ZNF407: variants seen among roughly 807,000 people sequenced by gnomAD.
ZNF407 encodes zinc finger protein 407.
Under a neutral mutation model 131.2 loss-of-function variants are expected in ZNF407, and 17 were observed. That is an observed-to-expected ratio of 0.13 (90% CI 0.09 to 0.19). The LOEUF (loss-of-function observed/expected upper bound fraction) is 0.19, where lower values mean the gene tolerates loss of function less well. Ranked by LOEUF, ZNF407 falls within the 10% of genes least tolerant of loss-of-function variation. The pLI is 1.00. For synonymous variants in ZNF407, 1,156 were observed against 1,062.0 expected (o/e 1.09, Z -1.72); for missense variants, 2,681 against 2,830.6 (o/e 0.95, Z 1.20).
intron 1 of ZNF407, among the ~76,000 whole-genome samples, chr18:74,619,644 T>C (rs1983438652): frequency 1.3e-5 from 2 of 152,342 alleles, no homozygotes; most frequent in African/African-American, 4.8e-5. Context: ...CCTTTTTTAG[T>C]GAATAGACCG....
At chr18:74,907,920 T>G (rs775698407) in intron 7 of ZNF407, among the ~76,000 whole-genome samples, 6 of 152,228 alleles carry the variant, frequency 3.9e-5, no homozygotes, top group Admixed American at 3.3e-4. Context: ...TTATTAAATT[T>G]TGCCAATCTG....
chr18:74,962,627 G>A (rs903781472), intron 8 of ZNF407, among the ~76,000 whole-genome samples: 12 of 152,228 alleles, frequency 7.9e-5, no homozygotes, highest in African/African-American at 2.9e-4. Context: ...GCCATGCCCA[G>A]TCCTCCATGT....
chr18:74,697,356 T>C (rs1305668358), intron 3 of ZNF407, among the ~76,000 whole-genome samples: 3 of 152,192 alleles, frequency 2.0e-5, no homozygotes, highest in Non-Finnish European at 2.9e-5. Context: ...CAAATTAGCT[T>C]TTAATATAAG....
At chr18:74,952,176 C>CT (rs1191952559) in intron 8 of ZNF407, among the ~76,000 whole-genome samples, 1 of 152,166 alleles carries the variant, frequency 6.6e-6, no homozygotes, top group African/African-American at 2.4e-5. Flanking sequence ...AAAGCAGTGA[C>CT]TAACTCATTA....
rs112782752 is a variant in ZNF407, at chr18:74,747,001, T to G, written c.4803-34427T>G. Reference sequence around the variant, plus strand: ...CGAATAATGCACTGCACTGAGATGTTTGGATGGCTATGAGGTCATTAGTCA... The same window carrying G: ...CGAATAATGCACTGCACTGAGATGTGTGGATGGCTATGAGGTCATTAGTCA... On this transcript the variant is annotated intron_variant, in intron 3 of 8. Coordinates refer to ENST00000299687, the MANE Select transcript of ZNF407 (RefSeq NM_017757.3). Among the ~76,000 whole-genome samples the G allele has an allele frequency of 2.6e-3, 392 of 152,290 alleles. 5 individuals carry two copies. The highest frequency in any genetic ancestry group is 8.4e-3 in the African/African-American group (349 of 41,576).
chr18:74,827,000 C>T (rs566608530), intron 4 of ZNF407, among the ~76,000 whole-genome samples: 2 of 152,318 alleles, frequency 1.3e-5, no homozygotes, highest in African/African-American at 4.8e-5. Flanking sequence ...CAGGTTTCCC[C>T]TGTCCCAGTA....
intron 4 of ZNF407, among the ~76,000 whole-genome samples, chr18:74,803,112 A>G (rs1970049082): frequency 6.6e-6 from 1 of 151,734 alleles, no homozygotes; most frequent in African/African-American, 2.4e-5. Context: ...CAGCGTTACC[A>G]CCCCCTTAGC....
intron 4 of ZNF407, among the ~76,000 whole-genome samples, chr18:74,861,999 G>T (rs1255324329): frequency 6.6e-6 from 1 of 152,100 alleles, no homozygotes; most frequent in Non-Finnish European, 1.5e-5. Flanking sequence ...ATCTTTCCAT[G>T]ATTTAAAGAT....
intron 4 of ZNF407, among the ~76,000 whole-genome samples, chr18:74,869,452 G>C (rs1386265442): frequency 1.3e-5 from 2 of 152,180 alleles, no homozygotes; most frequent in Non-Finnish European, 2.9e-5. Context: ...TGACTGGAAT[G>C]GGTCTCATAT....
chr18:74,695,427 G>A (rs977169361), intron 3 of ZNF407, among the ~76,000 whole-genome samples: 3 of 151,906 alleles, frequency 2.0e-5, no homozygotes, highest in African/African-American at 7.3e-5. Context: ...TCTGGTTAAT[G>A]TGCACCAGCT....
At chr18:74,831,480 A>G (rs1970482409) in intron 4 of ZNF407, among the ~76,000 whole-genome samples, 1 of 152,068 alleles carries the variant, frequency 6.6e-6, no homozygotes, top group Non-Finnish European at 1.5e-5. Context: ...GATTTTGACA[A>G]TTGTAGGAAC....
intron 3 of ZNF407, among the ~76,000 whole-genome samples, chr18:74,709,737 C>T (rs1458659889): frequency 1.3e-5 from 2 of 152,180 alleles, no homozygotes; most frequent in Non-Finnish European, 2.9e-5. Context: ...ATGCAGCTTT[C>T]ACTTGATTAC....
At chr18:74,927,644 A>G (rs548316989) in intron 8 of ZNF407, among the ~76,000 whole-genome samples, 282 of 152,372 alleles carry the variant, frequency 1.9e-3, no homozygotes, top group Non-Finnish European at 3.4e-3. Flanking sequence ...TCTTTTGAAC[A>G]TGAGGTTCAA....
At chr18:74,794,311 A>G (rs1382274230) in intron 4 of ZNF407, among the ~76,000 whole-genome samples, 4 of 152,222 alleles carry the variant, frequency 2.6e-5, no homozygotes, top group Non-Finnish European at 5.9e-5. Flanking sequence ...GATGTACTCA[A>G]GACAGGCTGT....
chr18:74,853,211 T>C (rs976773819), intron 4 of ZNF407, among the ~76,000 whole-genome samples: 2 of 152,232 alleles, frequency 1.3e-5, no homozygotes, highest in African/African-American at 4.8e-5. Context: ...TAGCCACTAC[T>C]GTTGTCTTTG....
chr18:74,877,332 C>T lies in ZNF407; in HGVS notation c.5013C>T (p.Ser1671=), dbSNP rs376078172. 23 of 1,613,644 alleles carry T rather than the reference C, an allele frequency of 1.4e-5. No homozygotes were observed. The highest frequency in any genetic ancestry group is 1.3e-4 in the African/African-American group (10 of 75,042). The change falls in exon 5 of 9, where the codon TCC becomes TCT. Residue 1671 remains serine (S), a synonymous_variant. Transcript: ENST00000299687. ...PTCHYSFLTA[S]AMKDHYRTHT... is the part of the protein sequence containing the mutation. ...GCCATTACTCATTCCTCACAGCCTC[C>T]GCAATGAAAGACCACTACAGGACGC...
rs143003427 is a variant in ZNF407, at chr18:74,628,916, A to G, written c.-53-2051A>G. Among the ~76,000 whole-genome samples, 1,210 of 152,188 alleles carry G rather than the reference A, an allele frequency of 8.0e-3. 10 individuals carry two copies. The highest frequency in any genetic ancestry group is 0.013 in the Non-Finnish European group (912 of 67,992). The stretch of plus-strand genomic sequence containing the variant: ...CTTTTTTATGACTGAATACTATTTC[A>G]TTGTGTGGATACCGCATTTTCTTGA... On this transcript the variant is annotated intron_variant, in intron 1 of 8. Transcript: ENST00000299687.
chr18:74,969,091 C>T (rs1485487765), intron 8 of ZNF407, among the ~76,000 whole-genome samples: 1 of 152,154 alleles, frequency 6.6e-6, no homozygotes, highest in African/African-American at 2.4e-5. Context: ...TGCATTTTTT[C>T]AGTTCTGTAA....
intron 3 of ZNF407, among the ~76,000 whole-genome samples, chr18:74,682,522 A>C (rs1967008473): frequency 6.6e-6 from 1 of 152,156 alleles, no homozygotes; most frequent in Non-Finnish European, 1.5e-5. Flanking sequence ...TTTCTAGGCT[A>C]GTTTAGTTTT....
Sources: gnomAD v4.1 joint callset for allele counts (sites outside exome capture counted in the v4.1 genomes callset) on GRCh38, gnomAD v4.1.1 for gene constraint, MANE v1.5 for transcripts, NCBI Gene and HGNC (gene_info 2026-07-23, HGNC 2026-07-21) for gene names.